The following JAKMIP1 variants were observed in gnomAD, a reference collection of about 807,000 sequenced individuals.
JAKMIP1 encodes janus kinase and microtubule-interacting protein 1.
JAKMIP1 carries 33 observed loss-of-function variants against 113.0 expected under a neutral mutation model. That is an observed-to-expected ratio of 0.29 (90% CI 0.22 to 0.39). The LOEUF (loss-of-function observed/expected upper bound fraction) is 0.39. Among genes scored for constraint, JAKMIP1 ranks in the 10% least tolerant of loss-of-function variants. The pLI is 1.00. For synonymous variants in JAKMIP1, 480 were observed against 459.9 expected (o/e 1.04, Z -0.56); for missense variants, 813 against 1,080.5 (o/e 0.75, Z 3.47).
chr4:6,090,806 T>C (rs1238990433), intron 3 of JAKMIP1, among the ~76,000 whole-genome samples: 1 of 150,522 alleles, frequency 6.6e-6, no homozygotes, highest in Non-Finnish European at 1.5e-5. Flanking sequence ...TCACTCCCCA[T>C]GTTGACCATA....
intron 1 of JAKMIP1, among the ~76,000 whole-genome samples, chr4:6,172,028 C>T (rs2109024639): frequency 6.6e-6 from 1 of 152,342 alleles, no homozygotes; most frequent in African/African-American, 2.4e-5. Context: ...CACGTGATAC[C>T]TGATTGTTGT....
intron 1 of JAKMIP1, among the ~76,000 whole-genome samples, chr4:6,122,863 C>T (rs917942856): frequency 6.6e-5 from 10 of 152,280 alleles, no homozygotes; most frequent in Non-Finnish European, 1.3e-4. Flanking sequence ...TGTCTCCTCT[C>T]TGTGCCTCAA....
Position 6,108,801 on chromosome 4 carries a change from A to G in JAKMIP1, c.130-2834T>C, listed in dbSNP as rs1017082182. On this transcript the variant is annotated intron_variant, in intron 2 of 20. Coordinates refer to ENST00000409021, the MANE Select transcript of JAKMIP1 (RefSeq NM_001099433.2). This position sits in a 1 kb window ranked among gnomAD's most constrained non-coding sequence, Gnocchi z 5.6. Reference sequence around the variant, plus strand: ...GAGTAAGAGGTTACAGACAAGCAAGAGGAGGCTGAAGGGAGCCATGCGGCA... The same window carrying G: ...GAGTAAGAGGTTACAGACAAGCAAGGGGAGGCTGAAGGGAGCCATGCGGCA... Among the ~76,000 whole-genome samples, 23 of 152,222 alleles carry G rather than the reference A, an allele frequency of 1.5e-4. No individual in the cohort carries two copies. The highest frequency in any genetic ancestry group is 2.9e-4 in the Non-Finnish European group (20 of 68,046).
Position 6,116,302 on chromosome 4 carries a change from C to A in JAKMIP1, c.-147-3305G>T, listed in dbSNP as rs1487267709. Among the ~76,000 whole-genome samples, 1 of 152,102 alleles carries A rather than the reference C, an allele frequency of 6.6e-6. No individual in the cohort carries two copies. The highest frequency in any genetic ancestry group is 6.5e-5 in the Admixed American group (1 of 15,272). On this transcript the variant is annotated intron_variant, in intron 1 of 20. Transcript: ENST00000409021. This position sits in a 1 kb window ranked among gnomAD's most constrained non-coding sequence, Gnocchi z 5.1. ...AGCAGGAGCAACAGCAGGGAACTCT[C>A]CTGCCTGAGCTTAGCTTGGTGTCTG...
chr4:6,042,343 G>C lies in JAKMIP1; in HGVS notation c.2029-116C>G. ...ATCGGCTTCCTCAGAGTGTGCTCAG[G>C]AATGGGTCAGGTCATGGCACACACA... On this transcript the variant is annotated intron_variant, in intron 16 of 20. Coordinates refer to ENST00000409021, the MANE Select transcript of JAKMIP1 (RefSeq NM_001099433.2). This position sits in a 1 kb window ranked among gnomAD's most constrained non-coding sequence, Gnocchi z 5.2. 1 of 810,474 alleles carries C rather than the reference G, an allele frequency of 1.2e-6. No individual in the cohort carries two copies. Among genetic ancestry groups the C allele is most frequent in the South Asian group, 1.5e-5 (1 of 68,462 alleles). The allele number at this position is 810,474 out of a possible 1,614,324, so 50.2% of individuals were successfully genotyped here. A position where few individuals can be genotyped will look rare whatever the true frequency, so the allele number is the denominator to read the frequency against.
In JAKMIP1 at chr4:6,067,915, T is replaced by C. The variant is rs368981575; in HGVS notation, c.1303-2907A>G. Among the ~76,000 whole-genome samples, 1 of 152,250 alleles carries C rather than the reference T, an allele frequency of 6.6e-6. No individual in the cohort carries two copies. On this transcript the variant is annotated intron_variant, in intron 8 of 20. Coordinates refer to ENST00000409021, the MANE Select transcript of JAKMIP1 (RefSeq NM_001099433.2). This position sits in a 1 kb window ranked among gnomAD's most constrained non-coding sequence, Gnocchi z 4.6. ...GCCACTGAGCTGACCTTATTTCTTG[T>C]AAACACTGCTAACTGCAAGGCCTTT...
intron 1 of JAKMIP1, among the ~76,000 whole-genome samples, chr4:6,159,401 A>T (rs977649967): frequency 6.6e-6 from 1 of 152,238 alleles, no homozygotes; most frequent in South Asian, 2.1e-4. Context: ...GAGCAAAAAC[A>T]TCAAACCACA....
At position 6,051,808 on chromosome 4, in the gene JAKMIP1, C is replaced by T. The variant is rs981523619; in HGVS notation, c.1807-1129G>A. On this transcript the variant is annotated intron_variant, in intron 13 of 20. Transcript: ENST00000409021. This position sits in a 1 kb window ranked among gnomAD's most constrained non-coding sequence, Gnocchi z 5.0. ...CAGTGGCAGAACAGGACTCAGGTCT[C>T]AGATGTGTTTCCTGCACAGAATGGA... Among the ~76,000 whole-genome samples, 1 of 152,190 alleles carries T rather than the reference C, an allele frequency of 6.6e-6. No homozygotes were observed. Among genetic ancestry groups the T allele is most frequent in the African/African-American group, 2.4e-5 (1 of 41,450 alleles).
At chr4:6,177,825 T>C (rs1160555461) in intron 1 of JAKMIP1, among the ~76,000 whole-genome samples, 2 of 152,146 alleles carry the variant, frequency 1.3e-5, no homozygotes, top group Non-Finnish European at 2.9e-5. Context: ...TGCCTCTGCA[T>C]TGTCTCTGAG....
chr4:6,080,093 C>T lies in JAKMIP1; in HGVS notation c.1242+79G>A. The T allele has an allele frequency of 6.8e-7, 1 of 1,479,128 alleles. No individual in the cohort carries two copies. Among genetic ancestry groups the T allele is most frequent in the East Asian group, 2.5e-5 (1 of 40,350 alleles). 91.6% of individuals were successfully genotyped at this position (1,479,128 alleles called of 1,614,324 possible). Reference sequence around the variant, plus strand: ...CCAGCTCAGCAGCATCACCCTGAGCCCCAACACCCGTTCCTGACACCCATG... The same window carrying T: ...CCAGCTCAGCAGCATCACCCTGAGCTCCAACACCCGTTCCTGACACCCATG... On this transcript the variant is annotated intron_variant, in intron 7 of 20. Coordinates refer to ENST00000409021, the MANE Select transcript of JAKMIP1 (RefSeq NM_001099433.2). This position sits in a 1 kb window ranked among gnomAD's most constrained non-coding sequence, Gnocchi z 6.0.
intron 1 of JAKMIP1, among the ~76,000 whole-genome samples, chr4:6,189,912 C>G (rs1176717130): frequency 1.3e-5 from 2 of 152,232 alleles, no homozygotes; most frequent in Non-Finnish European, 2.9e-5. Context: ...TAGCTAGACA[C>G]AGGCTCTGCT....
intron 1 of JAKMIP1, among the ~76,000 whole-genome samples, chr4:6,175,735 G>C (rs1725273073): frequency 6.6e-6 from 1 of 152,210 alleles, no homozygotes; most frequent in Non-Finnish European, 1.5e-5. Flanking sequence ...GCCAATCCGT[G>C]GCTCTCTCGG....
At chr4:6,041,494 C>G (rs757080082) in intron 17 of JAKMIP1, among the ~76,000 whole-genome samples, 1 of 152,186 alleles carries the variant, frequency 6.6e-6, no homozygotes, top group Non-Finnish European at 1.5e-5. Context: ...TCGAATTGGC[C>G]TTTGACTACT....
chr4:6,029,808 A>G lies in JAKMIP1; in HGVS notation c.2380-27T>C, dbSNP rs147965335. On this transcript the variant is annotated intron_variant, in intron 19 of 20. Coordinates refer to ENST00000409021, the MANE Select transcript of JAKMIP1 (RefSeq NM_001099433.2). ...TGAAATACACCAGGTTACGTGTCAG[A>G]AAAAGTAAGTTTTCCAGGTTTAAAA... is the stretch of plus-strand genomic sequence containing the variant. The G allele has an allele frequency of 7.5e-4, 1,148 of 1,528,898 alleles. 14 individuals are homozygous for G. The East Asian group carries it at 0.024, about 32-fold the overall frequency. 94.7% of individuals were successfully genotyped at this position (1,528,898 alleles called of 1,614,324 possible).
At chr4:6,196,277 C>T (rs531791407) in intron 1 of JAKMIP1, among the ~76,000 whole-genome samples, 10 of 152,300 alleles carry the variant, frequency 6.6e-5, no homozygotes, top group Admixed American at 3.3e-4. Context: ...AGCGCTCCTG[C>T]GTCCCACCTC....
At position 6,050,134 on chromosome 4, in the gene JAKMIP1, T is replaced by A. The variant is rs1715473513; in HGVS notation, c.1909-262A>T. Among the ~76,000 whole-genome samples, 2 of 152,224 alleles carry A rather than the reference T, an allele frequency of 1.3e-5. No individual in the cohort carries two copies. The highest frequency in any genetic ancestry group is 4.8e-5 in the African/African-American group (2 of 41,464). On this transcript the variant is annotated intron_variant, in intron 14 of 20. Coordinates refer to ENST00000409021, the MANE Select transcript of JAKMIP1 (RefSeq NM_001099433.2). The surrounding 1 kb of genome is among the most constrained non-coding windows in gnomAD (Gnocchi z 7.4). ...TGAGTCAGGACGCTGTCCCTGGAGC[T>A]GAGCAGGGCTCTAGGACACGGTAAA...
Position 6,050,594 on chromosome 4 carries a change from T to A in JAKMIP1, c.1892A>T (p.His631Leu). 6.4e-7 allele frequency: 1 copy of A among 1,572,020 alleles called. No homozygotes were observed. Among genetic ancestry groups the A allele is most frequent in the Non-Finnish European group, 8.6e-7 (1 of 1,158,244 alleles). Reference protein sequence around the residue: ...NHSSALQLFCHQEGVKDVNVS... With the variant: ...NHSSALQLFCLQEGVKDVNVS... ...GCACGCTACCTTAACTCCTTCCTGGTGACAGAACAGCTGGAGAGCGCTGCT... is the reference window on the plus strand; with the variant it reads ...GCACGCTACCTTAACTCCTTCCTGGAGACAGAACAGCTGGAGAGCGCTGCT... The change falls in exon 14 of 21, where the codon CAC becomes CTC. Residue 631 changes from histidine (H) to leucine (L), a missense_variant. Coordinates refer to ENST00000409021, the MANE Select transcript of JAKMIP1 (RefSeq NM_001099433.2). The surrounding 1 kb of genome is among the most constrained non-coding windows in gnomAD (Gnocchi z 7.4).
At chr4:6,173,713 G>C (rs1725011209) in intron 1 of JAKMIP1, among the ~76,000 whole-genome samples, 1 of 152,130 alleles carries the variant, frequency 6.6e-6, no homozygotes, top group African/African-American at 2.4e-5. Flanking sequence ...TTGACAGTAA[G>C]CTGCAGACAC....
chr4:6,068,812 C>T (rs769593253), intron 8 of JAKMIP1, among the ~76,000 whole-genome samples: 9 of 152,234 alleles, frequency 5.9e-5, no homozygotes, highest in African/African-American at 1.4e-4. Context: ...TCAAGTGATC[C>T]GTCTACCTCG....
Sources: gnomAD v4.1 joint callset for allele counts (sites outside exome capture counted in the v4.1 genomes callset) on GRCh38, gnomAD v4.1.1 for gene constraint, Gnocchi (gnomAD v3.1) non-coding constraint, MANE v1.5 for transcripts, NCBI Gene and HGNC (gene_info 2026-07-23, HGNC 2026-07-21) for gene names.